SIGIRR: variants seen among roughly 807,000 people sequenced by gnomAD.
SIGIRR encodes the protein single Ig and TIR domain containing, also known as single Ig IL-1-related receptor.
SIGIRR carries 41 observed loss-of-function variants against 45.6 expected under a neutral mutation model. That is an observed-to-expected ratio of 0.90 (90% CI 0.70 to 1.17). SIGIRR has a LOEUF of 1.17. SIGIRR is among the 50% of genes most tolerant of loss of function. SIGIRR has a pLI of 0.00. For synonymous variants in SIGIRR, 298 were observed against 239.0 expected (o/e 1.25, Z -2.28); for missense variants, 599 against 539.6 (o/e 1.11, Z -1.09).
At position 409,965 on chromosome 11, in the gene SIGIRR, G is replaced by A; in HGVS notation, c.-91C>T. 8.0e-7 allele frequency: 1 copy of A among 1,255,884 alleles called. No individual in the cohort carries two copies. Among genetic ancestry groups the A allele is most frequent in the Non-Finnish European group, 1.0e-6 (1 of 997,192 alleles). The allele number at this position is 1,255,884 out of a possible 1,614,324, so 77.8% of individuals were successfully genotyped here. On this transcript the variant is annotated 5_prime_UTR_variant, in exon 2 of 10. Transcript: ENST00000431843. ...CCTCGGCCAGCAGACTGATCCAAGA[G>A]CTGGGCAGGACTCCTCTCTGTCCTT...
rs781169572 is a variant in SIGIRR, at chr11:407,050, C to A, written c.728+12G>T. 2 of 1,575,640 alleles carry A rather than the reference C, an allele frequency of 1.3e-6. No individual in the cohort carries two copies. Among genetic ancestry groups the A allele is most frequent in the East Asian group, 4.7e-5 (2 of 42,550 alleles). On this transcript the variant is annotated intron_variant, in intron 7 of 9. Coordinates refer to ENST00000431843, the MANE Select transcript of SIGIRR (RefSeq NM_001135054.2). Reference sequence around the variant, plus strand: ...CTACGCTGGGGCCCACCCAACCCCGCGCGGGACCCACCGGAAGCTGTGGCT... The same window carrying A: ...CTACGCTGGGGCCCACCCAACCCCGAGCGGGACCCACCGGAAGCTGTGGCT...
At chr11:416,663 C>T (rs964601626), upstream of SIGIRR, among the ~76,000 whole-genome samples, 4 of 152,118 alleles carry the variant, frequency 2.6e-5, no homozygotes, top group African/African-American at 9.6e-5. This position sits in a 1 kb window ranked among gnomAD's most constrained non-coding sequence, Gnocchi z 9.1. Flanking sequence ...GCCGCCCCTC[C>T]GCTCCCCGTG....
chr11:413,800 T>C (rs1272939883), intron 1 of SIGIRR, among the ~76,000 whole-genome samples: 5 of 112,232 alleles, frequency 4.5e-5, no homozygotes, highest in Non-Finnish European at 9.1e-5. Context: ...CTGCACGCTC[T>C]CCACTCCCCA....
chr11:405,890 T>C lies in SIGIRR; in HGVS notation c.*6A>G, dbSNP rs149327987. The C allele has an allele frequency of 9.3e-3, 14,753 of 1,586,488 alleles. 104 individuals are homozygous for C. The highest frequency in any genetic ancestry group is 0.012 in the Middle Eastern group (74 of 5,942). ...GTCCCTATGATCCTGCACTCTGGGG[T>C]GGGAGCTACATATCATCCTTGGACA... is the stretch of plus-strand genomic sequence containing the variant. On this transcript the variant is annotated 3_prime_UTR_variant, in exon 10 of 10. Coordinates refer to ENST00000431843, the MANE Select transcript of SIGIRR (RefSeq NM_001135054.2).
At position 407,134 on chromosome 11, in the gene SIGIRR, C is replaced by G. The variant is rs757577473; in HGVS notation, c.656G>C (p.Ser219Thr). 2.4e-5 allele frequency: 37 copies of G among 1,552,110 alleles called. No individual in the cohort carries two copies. The highest frequency in any genetic ancestry group is 3.1e-5 in the Non-Finnish European group (36 of 1,156,516). ...CACCACGATGAGGCGTCGGCAGCGG[C>G]TCAGGTTCACCAAGAGGTCGGCGGA... is the stretch of plus-strand genomic sequence containing the variant. ...EPSADLLVNL[S>T]RCRRLIVVLS... The change falls in exon 7 of 10, where the codon AGC (serine) becomes ACC (threonine). Residue 219 changes from serine (S) to threonine (T), a missense_variant. By Grantham distance (58) the Ser-to-Thr change is moderately conservative. Transcript: ENST00000431843.
chr11:407,065 A>G lies in SIGIRR; in HGVS notation c.725T>C (p.Phe242Ser). The change falls in exon 7 of 10, where the codon TTC becomes TCC. Residue 242 changes from phenylalanine (F) to serine (S), a missense_variant. Physicochemically the swap from Phe to Ser is radical, Grantham distance 155. Coordinates refer to ENST00000431843, the MANE Select transcript of SIGIRR (RefSeq NM_001135054.2). ...CCCAACCCCGCGCGGGACCCACCGG[A>G]AGCTGTGGCTGCACCAGGCCCGGCT... ...FLSRAWCSHS[F>S]REGLCRLLEL... The G allele has an allele frequency of 6.3e-7, 1 of 1,578,466 alleles. No homozygotes were observed. The highest frequency in any genetic ancestry group is 2.3e-5 in the East Asian group (1 of 42,560).
At chr11:407,699 G>T in intron 5 of SIGIRR, 118 bp downstream of exon 5, 2 of 1,561,464 alleles carry the variant, frequency 1.3e-6, no homozygotes, top group East Asian at 2.3e-5. Context: ...CAGCCGGGCC[G>T]CACAGAGCAC....
intron 5 of SIGIRR, 30 bp downstream of exon 5, chr11:407,787 C>T (rs1847414738): frequency 6.2e-7 from 1 of 1,611,414 alleles, no homozygotes; most frequent in Non-Finnish European, 8.5e-7. Context: ...CGTGGCGACC[C>T]CTCCTCGCGC....
chr11:413,963 C>T (rs1847795305), intron 1 of SIGIRR, among the ~76,000 whole-genome samples: 1 of 137,128 alleles, frequency 7.3e-6, no homozygotes, highest in Non-Finnish European at 1.6e-5. Flanking sequence ...TTTCCCTGTA[C>T]TCTCGTCTGC....
intron 1 of SIGIRR, among the ~76,000 whole-genome samples, chr11:411,192 G>T (rs1590383414): frequency 5.3e-5 from 1 of 18,990 alleles, no homozygotes; most frequent in Non-Finnish European, 1.1e-4. Context: ...TACAGTCGGG[G>T]GGGGGGGTGC....
At position 409,902 on chromosome 11, in the gene SIGIRR, A is replaced by G; in HGVS notation, c.-28T>C. 7.6e-7 allele frequency: 1 copy of G among 1,308,798 alleles called. No homozygotes were observed. Among genetic ancestry groups the G allele is most frequent in the Non-Finnish European group, 9.8e-7 (1 of 1,021,718 alleles). The allele number at this position is 1,308,798 out of a possible 1,614,324, so 81.1% of individuals were successfully genotyped here. A position where few individuals can be genotyped will look rare whatever the true frequency, so the allele number is the denominator to read the frequency against. ...CTCTGAGCCGGGGCCTCCTCGGGGC[A>G]GGCTGGGCTCCAGGGTCACCCCTGG... On this transcript the variant is annotated 5_prime_UTR_variant, in exon 2 of 10. Coordinates refer to ENST00000431843, the MANE Select transcript of SIGIRR (RefSeq NM_001135054.2).
chr11:408,600 G>A (rs1257349065), intron 3 of SIGIRR, 95 bp downstream of exon 3: 27 of 1,413,748 alleles, frequency 1.9e-5, no homozygotes, highest in Non-Finnish European at 2.7e-5. Flanking sequence ...GACATGTCTG[G>A]CCAGGTGGTT....
intron 8 of SIGIRR, 127 bp from the exon 9 acceptor site, chr11:406,665 G>C (rs115003517): frequency 3.5e-6 from 5 of 1,412,354 alleles, no homozygotes; most frequent in Non-Finnish European, 3.7e-6. Context: ...CCGTGGCTCC[G>C]GGGGCCTCAA....
intron 2 of SIGIRR, chr11:409,475 C>G: frequency 3.5e-6 from 1 of 289,536 alleles, no homozygotes; most frequent in Non-Finnish European, 6.5e-6. Flanking sequence ...TCCCCACCAC[C>G]TGAGGCCTGA....
chr11:410,743 C>CG (rs1431301200), intron 1 of SIGIRR, among the ~76,000 whole-genome samples: 2 of 42,660 alleles, frequency 4.7e-5, no homozygotes, highest in Non-Finnish European at 8.0e-5. Context: ...TGGATGCAGT[C>CG]GGGGGGTGCC....
rs1366693959 is a variant in SIGIRR at position 406,846 on chromosome 11, G to C, written c.876C>G (p.Ser292=). 2 of 1,556,278 alleles carry C rather than the reference G, an allele frequency of 1.3e-6. No homozygotes were observed. Among genetic ancestry groups the C allele is most frequent in the Non-Finnish European group, 1.7e-6 (2 of 1,157,308 alleles). Reference sequence around the variant, plus strand: ...CCCTCCCGCGCCTGCTCCGCACCACGGAGCCGGGCCTCCAGAGCAGCAAGG... The same window carrying C: ...CCCTCCCGCGCCTGCTCCGCACCACCGAGCCGGGCCTCCAGAGCAGCAAGG... ...LVTLLLWRPG[S]VTPSSDFWKE... Residue 292 remains serine, a synonymous_variant, in exon 8 of 10, where the codon TCC becomes TCG. Coordinates refer to ENST00000431843, the MANE Select transcript of SIGIRR (RefSeq NM_001135054.2).
Position 406,849 on chromosome 11 carries a change from G to T in SIGIRR, c.873C>A (p.Gly291=). The T allele has an allele frequency of 6.4e-7, 1 of 1,559,876 alleles. No individual in the cohort carries two copies. The highest frequency in any genetic ancestry group is 8.6e-7 in the Non-Finnish European group (1 of 1,159,154). Residue 291 remains glycine, a synonymous_variant, in exon 8 of 10, where the codon GGC becomes GGA. Coordinates refer to ENST00000431843, the MANE Select transcript of SIGIRR (RefSeq NM_001135054.2). ...TCCCGCGCCTGCTCCGCACCACGGA[G>T]CCGGGCCTCCAGAGCAGCAAGGTCA... ...HLVTLLLWRP[G]SVTPSSDFWK...
intron 9 of SIGIRR, 116 bp downstream of exon 9, chr11:406,233 G>A (rs542163811): frequency 1.9e-6 from 3 of 1,541,622 alleles, no homozygotes; most frequent in African/African-American, 2.7e-5. Flanking sequence ...GGGGCTCCCG[G>A]TGCCGGGAAG....
chr11:408,984 C>T (rs1377123645), intron 2 of SIGIRR, 91 bp from the exon 3 acceptor site: 3 of 1,192,128 alleles, frequency 2.5e-6, no homozygotes, highest in Admixed American at 3.5e-5. Context: ...GAAATAAGGC[C>T]TCTGTGTGGC....
Sources: allele counts gnomAD v4.1 joint callset (sites outside exome capture counted in the v4.1 genomes callset), GRCh38; gene constraint gnomAD v4.1.1; non-coding constraint Gnocchi (gnomAD v3.1); transcripts MANE v1.5; gene names NCBI Gene and HGNC (gene_info 2026-07-23, HGNC 2026-07-21).